The following RAB28 variants were observed in gnomAD, a reference collection of about 807,000 sequenced individuals.
RAB28 encodes the protein RAB28, member RAS oncogene family.
Under a neutral mutation model 31.7 loss-of-function variants are expected in RAB28, and 24 were observed. The observed-to-expected ratio is 0.76, with a 90% confidence interval of 0.55 to 1.06. RAB28 has a LOEUF of 1.06. Among genes scored for constraint, RAB28 ranks in the 50% least tolerant of loss-of-function variants. The pLI, the probability that RAB28 is intolerant of heterozygous loss-of-function variation, is 0.00. For synonymous variants in RAB28, 100 were observed against 90.4 expected (o/e 1.11, Z -0.60); for missense variants, 254 against 258.5 (o/e 0.98, Z 0.12).
intron 4 of RAB28, among the ~76,000 whole-genome samples, chr4:13,446,604 G>A (rs367694223): frequency 6.6e-6 from 1 of 152,164 alleles, no homozygotes; most frequent in Non-Finnish European, 1.5e-5. Context: ...CTGGGGGAGG[G>A]GGATCCCGGC....
intron 2 of RAB28, among the ~76,000 whole-genome samples, chr4:13,476,605 T>C (rs1340071984): frequency 6.6e-6 from 1 of 151,490 alleles, no homozygotes; most frequent in Admixed American, 6.6e-5. Context: ...AGGAGCAAAA[T>C]CCCATGAGGA....
intron 4 of RAB28, among the ~76,000 whole-genome samples, chr4:13,410,964 T>C (rs1286621196): frequency 6.6e-6 from 1 of 152,004 alleles, no homozygotes; most frequent in Non-Finnish European, 1.5e-5. Flanking sequence ...CCTGCTGATA[T>C]AAAGACACAG....
At chr4:13,422,040 T>TCC (rs1484178930) in intron 4 of RAB28, among the ~76,000 whole-genome samples, 1 of 149,126 alleles carries the variant, frequency 6.7e-6, no homozygotes, top group Non-Finnish European at 1.5e-5. Flanking sequence ...ACAAAGAACT[T>TCC]AAACAAACTT....
chr4:13,399,125 G>A (rs555068959), intron 4 of RAB28, among the ~76,000 whole-genome samples: 1 of 152,302 alleles, frequency 6.6e-6, no homozygotes, highest in East Asian at 1.9e-4. Context: ...CATCTAGTAA[G>A]TAGTGGAGCC....
intron 4 of RAB28, among the ~76,000 whole-genome samples, chr4:13,459,273 CCTTGCACTTCAA>C (rs1328245579): frequency 6.6e-6 from 1 of 152,134 alleles, no homozygotes; most frequent in South Asian, 2.1e-4. Flanking sequence ...CTACTGGTTT[CCTTGCACTTCAA>C]CTTGCAGATG....
chr4:13,390,169 G>A (rs1455272279), intron 4 of RAB28, among the ~76,000 whole-genome samples: 2 of 152,144 alleles, frequency 1.3e-5, no homozygotes, highest in Non-Finnish European at 2.9e-5. Flanking sequence ...CATCTTCTCA[G>A]CCCAAAATCT....
intron 4 of RAB28, among the ~76,000 whole-genome samples, chr4:13,423,617 G>A (rs984180317): frequency 2.0e-5 from 3 of 152,270 alleles, no homozygotes; most frequent in African/African-American, 7.2e-5. Context: ...ATTGTCCATA[G>A]CTGCTTCTAC....
At chr4:13,387,492 T>G (rs1729426129) in intron 4 of RAB28, among the ~76,000 whole-genome samples, 1 of 151,958 alleles carries the variant, frequency 6.6e-6, no homozygotes, top group South Asian at 2.1e-4. Context: ...TAATGGAAAA[T>G]AGTACAAAAA....
intron 4 of RAB28, among the ~76,000 whole-genome samples, chr4:13,457,832 T>C (rs1160744786): frequency 6.6e-6 from 1 of 152,180 alleles, no homozygotes; most frequent in Non-Finnish European, 1.5e-5. Flanking sequence ...ACATAATGTA[T>C]ATAATTATGT....
At chr4:13,424,814 CA>C (rs1244040032) in intron 4 of RAB28, among the ~76,000 whole-genome samples, 9 of 152,192 alleles carry the variant, frequency 5.9e-5, no homozygotes, top group Non-Finnish European at 1.0e-4. Flanking sequence ...ATCACTCCAG[CA>C]ATTCTAACCT....
At chr4:13,372,575 C>T (rs1263258152) in intron 6 of RAB28, among the ~76,000 whole-genome samples, 1 of 152,002 alleles carries the variant, frequency 6.6e-6, no homozygotes, top group Non-Finnish European at 1.5e-5. Context: ...ATCCATTAAG[C>T]AACGTTCAAT....
At chr4:13,381,698 C>T (rs1729136998) in intron 4 of RAB28, 104 bp from the exon 5 acceptor site, 4 of 765,920 alleles carry the variant, frequency 5.2e-6, no homozygotes, top group Admixed American at 2.9e-5. Context: ...ATTCCAGCTT[C>T]GACATCAGCT....
chr4:13,476,291 C>T (rs1577251233), intron 2 of RAB28, among the ~76,000 whole-genome samples: 1 of 151,446 alleles, frequency 6.6e-6, no homozygotes, highest in East Asian at 1.9e-4. Flanking sequence ...TGTCTCCCAT[C>T]TAAGAGGTTC....
Position 13,479,491 on chromosome 4 carries a change from A to T in RAB28, c.111T>A (p.Phe37Leu). ...CTATAGTTTGTTTGTACTGTTTCCC[A>T]AAAGTTTCTTGAGCAAAACACGTAG... is the stretch of plus-strand genomic sequence containing the variant. ...SLTTCFAQETFGKQYKQTIGL... is the reference protein window; with the variant it reads ...SLTTCFAQETLGKQYKQTIGL... Residue 37 changes from phenylalanine (F) to leucine (L), a missense_variant, in exon 2 of 7, where the codon TTT (phenylalanine) becomes TTA (leucine). Physicochemically the swap from Phe to Leu is conservative, Grantham distance 22. Coordinates refer to ENST00000330852, the MANE Select transcript of RAB28 (RefSeq NM_001017979.3). 6.2e-7 allele frequency: 1 copy of T among 1,608,974 alleles called. No homozygotes were observed.
intron 3 of RAB28, among the ~76,000 whole-genome samples, chr4:13,469,609 G>A (rs942961064): frequency 5.9e-5 from 9 of 151,860 alleles, no homozygotes; most frequent in Non-Finnish European, 1.3e-4. Context: ...ATAGTACTTC[G>A]TTTTCATCTA....
At chr4:13,376,665 C>T in intron 5 of RAB28, 43 bp from the exon 6 acceptor site, 13 of 1,279,450 alleles carry the variant, frequency 1.0e-5, no homozygotes, top group Non-Finnish European at 1.3e-5. Flanking sequence ...AAGAGGCATG[C>T]TTAAGTTATC....
At chr4:13,452,196 G>A (rs1333074963) in intron 4 of RAB28, among the ~76,000 whole-genome samples, 3 of 151,552 alleles carry the variant, frequency 2.0e-5, no homozygotes, top group African/African-American at 4.8e-5. Flanking sequence ...GTATCTAATG[G>A]TTTGTTGATT....
intron 4 of RAB28, among the ~76,000 whole-genome samples, chr4:13,437,274 T>A (rs1714175749): frequency 6.6e-6 from 1 of 152,018 alleles, no homozygotes. Context: ...GAAGAAACTA[T>A]AGGTAAAACC....
intron 4 of RAB28, among the ~76,000 whole-genome samples, chr4:13,386,340 A>C (rs1215699450): frequency 6.6e-6 from 1 of 152,184 alleles, no homozygotes; most frequent in East Asian, 1.9e-4. Flanking sequence ...GAATGGGAGA[A>C]AAGTTTGCAA....
Sources: allele counts gnomAD v4.1 joint callset (sites outside exome capture counted in the v4.1 genomes callset), GRCh38; gene constraint gnomAD v4.1.1; transcripts MANE v1.5; gene names NCBI Gene and HGNC (gene_info 2026-07-23, HGNC 2026-07-21).